ZNF385D: variants seen among roughly 807,000 people sequenced by gnomAD.
ZNF385D encodes zinc finger protein 385D.
In ZNF385D, 15 loss-of-function variants were observed where a neutral mutation model predicts 35.8. The ratio of observed to expected loss-of-function variants is 0.42; its 90% CI spans 0.28 to 0.64. The LOEUF (loss-of-function observed/expected upper bound fraction) is 0.64, where lower values mean the gene tolerates loss of function less well. ZNF385D is among the 30% of genes least tolerant of loss of function. The pLI, the probability that ZNF385D is intolerant of heterozygous loss-of-function variation, is 0.23. For missense variants in ZNF385D, 474 were observed against 494.6 expected, an observed-to-expected ratio of 0.96 and a Z score of 0.39; for synonymous variants, 212 against 186.8, an observed-to-expected ratio of 1.13 and a Z score of -1.10.
chr3:22,195,932 A>T (rs1027434516), intron 2 of ZNF385D, among the ~76,000 whole-genome samples: 2 of 152,112 alleles, frequency 1.3e-5, no homozygotes, highest in Non-Finnish European at 2.9e-5. Flanking sequence ...ACAGTAAACC[A>T]AATACTGCAT....
At chr3:22,182,117 A>G (rs1695321617) in intron 2 of ZNF385D, among the ~76,000 whole-genome samples, 1 of 152,176 alleles carries the variant, frequency 6.6e-6, no homozygotes, top group Non-Finnish European at 1.5e-5. Context: ...TGCTCCTCAG[A>G]AATTGTGAGC....
chr3:22,146,594 A>G (rs1416329460), intron 3 of ZNF385D, among the ~76,000 whole-genome samples: 1 of 152,122 alleles, frequency 6.6e-6, no homozygotes, highest in Non-Finnish European at 1.5e-5. Flanking sequence ...TATAAACTCC[A>G]TGAAGGCAAA....
chr3:21,784,593 T>C (rs2071614084), intron 3 of ZNF385D, among the ~76,000 whole-genome samples: 1 of 151,966 alleles, frequency 6.6e-6, no homozygotes, highest in Admixed American at 6.6e-5. Flanking sequence ...ACACAAAATT[T>C]AGAGGGCACT....
chr3:22,116,858 G>A (rs1187661592), intron 3 of ZNF385D, among the ~76,000 whole-genome samples: 2 of 152,044 alleles, frequency 1.3e-5, no homozygotes, highest in Non-Finnish European at 2.9e-5. Context: ...GAAATTGTCT[G>A]TAACACTAAA....
At chr3:22,127,960 C>T (rs1281367932) in intron 3 of ZNF385D, among the ~76,000 whole-genome samples, 1 of 152,210 alleles carries the variant, frequency 6.6e-6, no homozygotes, top group African/African-American at 2.4e-5. Flanking sequence ...TGTCTGTGTA[C>T]TTAATATTAC....
chr3:21,567,240 T>G (rs1243361906), intron 2 of ZNF385D, among the ~76,000 whole-genome samples: 2 of 152,202 alleles, frequency 1.3e-5, no homozygotes, highest in Non-Finnish European at 2.9e-5. Context: ...CATTAAAACT[T>G]AATTTAAAAT....
At chr3:21,854,815 T>C (rs1696618200) in intron 3 of ZNF385D, among the ~76,000 whole-genome samples, 1 of 152,026 alleles carries the variant, frequency 6.6e-6, no homozygotes, top group Admixed American at 6.6e-5. Context: ...TTGAATGAAC[T>C]AAATAATAAC....
At chr3:22,365,894 C>T (rs560930216) in intron 2 of ZNF385D, among the ~76,000 whole-genome samples, 1 of 152,118 alleles carries the variant, frequency 6.6e-6, no homozygotes, top group South Asian at 2.1e-4. Context: ...TAATATGTTT[C>T]TGTTGTTATT....
At chr3:22,138,916 C>T (rs1000461466) in intron 3 of ZNF385D, among the ~76,000 whole-genome samples, 9 of 152,172 alleles carry the variant, frequency 5.9e-5, no homozygotes, top group African/African-American at 1.7e-4. Flanking sequence ...GCAACCTACT[C>T]ATCTGACAAA....
chr3:22,351,614 ACT>A (rs1306260124), intron 2 of ZNF385D, among the ~76,000 whole-genome samples: 3 of 152,112 alleles, frequency 2.0e-5, no homozygotes, highest in East Asian at 1.9e-4. Context: ...ACATCCAATA[ACT>A]CTGTATAATG....
intron 3 of ZNF385D, among the ~76,000 whole-genome samples, chr3:22,077,040 A>G (rs965896711): frequency 6.6e-6 from 1 of 152,062 alleles, no homozygotes; most frequent in East Asian, 1.9e-4. Flanking sequence ...AGTGTGAGTT[A>G]TTTTCAGAAA....
intron 2 of ZNF385D, among the ~76,000 whole-genome samples, chr3:21,598,662 A>G (rs2064193953): frequency 6.6e-6 from 1 of 152,222 alleles, no homozygotes; most frequent in Non-Finnish European, 1.5e-5. Flanking sequence ...GCATAAATTT[A>G]TGTCTGAAGT....
chr3:21,715,441 A>G (rs1255626775), intron 1 of ZNF385D, among the ~76,000 whole-genome samples: 1 of 152,040 alleles, frequency 6.6e-6, no homozygotes, highest in Non-Finnish European at 1.5e-5. Context: ...TTCCTTTTTA[A>G]TGGCTGAATA....
intron 3 of ZNF385D, among the ~76,000 whole-genome samples, chr3:21,868,155 A>C (rs1697475901): frequency 6.6e-6 from 1 of 152,114 alleles, no homozygotes; most frequent in African/African-American, 2.4e-5. Context: ...TTTTCTGTAG[A>C]GTCAGAGAGT....
upstream of ZNF385D, among the ~76,000 whole-genome samples, chr3:21,753,521 T>G (rs1307715514): frequency 1.3e-5 from 2 of 152,148 alleles, no homozygotes; most frequent in East Asian, 1.9e-4. Flanking sequence ...CAGAAACAAT[T>G]GAGTGTAATA....
chr3:21,491,620 A>T (rs952137910), intron 4 of ZNF385D, among the ~76,000 whole-genome samples: 1 of 152,206 alleles, frequency 6.6e-6, no homozygotes, highest in Non-Finnish European at 1.5e-5. Context: ...TTTACAAACT[A>T]TGGCCAAAGT....
At chr3:21,521,849 A>G (rs1707928743) in intron 3 of ZNF385D, among the ~76,000 whole-genome samples, 2 of 152,204 alleles carry the variant, frequency 1.3e-5, no homozygotes, top group South Asian at 4.1e-4. Flanking sequence ...CCTTTTGCAG[A>G]GGGGTTAATC....
At chr3:21,437,616 T>C (rs918721373) in intron 4 of ZNF385D, among the ~76,000 whole-genome samples, 1 of 151,002 alleles carries the variant, frequency 6.6e-6, no homozygotes, top group African/African-American at 2.4e-5. Flanking sequence ...GATTTTTCTT[T>C]ACTACTTATC....
Position 22,193,957 on chromosome 3 carries a change from T to C in ZNF385D, c.107-24922A>G, listed in dbSNP as rs17595193. ...AGCATTAGGTAGTGCATTTTTTCCT[T>C]AATTTTGCTAGTGAAACAAGTGGAA... On this transcript the variant is annotated intron_variant, in intron 2 of 5. Coordinates refer to the ZNF385D transcript ENST00000494108. Among the ~76,000 whole-genome samples the C allele has an allele frequency of 6.4e-3, 972 of 152,084 alleles. 6 individuals are homozygous for C. Among genetic ancestry groups the C allele is most frequent in the Non-Finnish European group, 0.011 (774 of 67,876 alleles).
Sources: gnomAD v4.1 joint callset for allele counts (sites outside exome capture counted in the v4.1 genomes callset) on GRCh38, gnomAD v4.1.1 for gene constraint, MANE v1.5 for transcripts, NCBI Gene and HGNC (gene_info 2026-07-23, HGNC 2026-07-21) for gene names.